Variants in MGAT5 observed in about 807,000 individuals in gnomAD.
MGAT5 encodes alpha-1,6-mannosylglycoprotein 6-beta-N-acetylglucosaminyltransferase, also known as alpha-1,6-mannosylglycoprotein 6-beta-N-acetylglucosaminyltransferase A.
In MGAT5, 30 loss-of-function variants were observed where a neutral mutation model predicts 94.3. That is an observed-to-expected ratio of 0.32 (90% CI 0.24 to 0.43). MGAT5 has a LOEUF of 0.43. MGAT5 is among the 20% of genes least tolerant of loss of function. The pLI is 1.00. For synonymous variants in MGAT5, 310 were observed against 322.9 expected (o/e 0.96, Z 0.43); for missense variants, 691 against 905.5 (o/e 0.76, Z 3.04).
At chr2:134,323,004 G>A (rs780828137) in intron 4 of MGAT5, among the ~76,000 whole-genome samples, 3 of 152,150 alleles carry the variant, frequency 2.0e-5, no homozygotes, top group Non-Finnish European at 2.9e-5. Context: ...GTCACTAGTG[G>A]AATTGGAGCA....
In MGAT5 at chr2:134,318,092, C is replaced by G. The variant is rs574498764; in HGVS notation, c.483+487C>G. Among the ~76,000 whole-genome samples the G allele has an allele frequency of 1.4e-4, 22 of 152,192 alleles. No homozygotes were observed. In the Middle Eastern group the frequency reaches 0.01, roughly 71 times the overall value. On this transcript the variant is annotated intron_variant, in intron 3 of 15. Transcript: ENST00000281923. ...CTTGGCTGCTTTTTTTTCCAGAAAT[C>G]CTATTTGTATGGCCTGCCCCTGGGG...
chr2:134,357,542 A>C (rs1679823790), intron 9 of MGAT5, among the ~76,000 whole-genome samples: 1 of 152,240 alleles, frequency 6.6e-6, no homozygotes, highest in East Asian at 1.9e-4. Context: ...TTTTATTTTT[A>C]GGACATGATA....
At chr2:134,399,744 T>G (rs1682928778) in intron 10 of MGAT5, among the ~76,000 whole-genome samples, 1 of 152,190 alleles carries the variant, frequency 6.6e-6, no homozygotes, top group South Asian at 2.1e-4. Context: ...AGAAGTGATC[T>G]CGATCCAGTT....
intron 1 of MGAT5, among the ~76,000 whole-genome samples, chr2:134,256,430 TTC>T (rs1326815712): frequency 6.6e-6 from 1 of 152,096 alleles, no homozygotes; most frequent in Non-Finnish European, 1.5e-5. Context: ...TTTCTCTTGT[TTC>T]TCTCAGTCTG....
chr2:134,280,472 G>C (rs1276495773), intron 2 of MGAT5, among the ~76,000 whole-genome samples: 1 of 152,238 alleles, frequency 6.6e-6, no homozygotes, highest in African/African-American at 2.4e-5. Context: ...ATTTTGATTT[G>C]CATTGTCAGA....
At chr2:134,354,518 A>C (rs1266493846) in intron 9 of MGAT5, among the ~76,000 whole-genome samples, 1 of 152,210 alleles carries the variant, frequency 6.6e-6, no homozygotes, top group East Asian at 1.9e-4. Context: ...TTCATGGTAC[A>C]CGTCTCACTT....
At chr2:134,151,837 C>CTCAA (rs1687204476) in intron 1 of MGAT5, among the ~76,000 whole-genome samples, 2 of 137,018 alleles carry the variant, frequency 1.5e-5, no homozygotes, top group African/African-American at 2.8e-5. Context: ...ACCTCACTCA[C>CTCAA]GCCCTATGGG....
At chr2:134,237,148 T>TGTGTGTGTGC (rs374914892) in intron 1 of MGAT5, among the ~76,000 whole-genome samples, 152 of 140,832 alleles carry the variant, frequency 1.1e-3, no homozygotes, top group African/African-American at 2.6e-3. Flanking sequence ...TGTGTGTGTG[T>TGTGTGTGTGC]GCGCGTGTGT....
chr2:134,311,354 A>G (rs937698143), intron 2 of MGAT5, among the ~76,000 whole-genome samples: 3 of 152,192 alleles, frequency 2.0e-5, no homozygotes, highest in African/African-American at 7.2e-5. Flanking sequence ...TAAAAAGTTA[A>G]TGGACCTGTG....
intron 1 of MGAT5, among the ~76,000 whole-genome samples, chr2:134,214,718 G>C (rs901853180): frequency 1.6e-4 from 25 of 152,088 alleles, no homozygotes; most frequent in Non-Finnish European, 2.9e-4. Flanking sequence ...TATAGGGTGG[G>C]GTGGGGAGGA....
At chr2:134,130,204 C>CCCACA (rs1553482760) in intron 1 of MGAT5, among the ~76,000 whole-genome samples, 1 of 60,398 alleles carries the variant, frequency 1.7e-5, no homozygotes, top group African/African-American at 6.4e-5. Flanking sequence ...TGGAGCCCGC[C>CCCACA]CCGCCCCACA....
At chr2:134,320,022 T>C in intron 4 of MGAT5, 1 of 199,462 alleles carries the variant, frequency 5.0e-6, no homozygotes. Context: ...ACAAGCAGCC[T>C]GCATAGGATC....
At chr2:134,409,173 G>T (rs1189923418) in intron 11 of MGAT5, among the ~76,000 whole-genome samples, 1 of 152,174 alleles carries the variant, frequency 6.6e-6, no homozygotes, top group Non-Finnish European at 1.5e-5. Flanking sequence ...ATTTGAACTT[G>T]AGTGACTGAT....
chr2:134,148,655 A>T (rs1687032325), intron 1 of MGAT5, among the ~76,000 whole-genome samples: 1 of 152,116 alleles, frequency 6.6e-6, no homozygotes, highest in African/African-American at 2.4e-5. Flanking sequence ...AGATTATACT[A>T]TACATGTTAT....
intron 12 of MGAT5, among the ~76,000 whole-genome samples, chr2:134,414,648 C>A (rs1453677547): frequency 6.6e-6 from 1 of 151,994 alleles, no homozygotes; most frequent in Non-Finnish European, 1.5e-5. Flanking sequence ...CCTTTTTTGG[C>A]AAATTTCAAG....
rs10628858 is a variant in MGAT5 at position 134,257,836 on chromosome 2, C to CTTTTTTTTT, written c.241+3203_241+3211dup. ...TGCATAGGCCATTAGTTTGCAGTCTCTTTTTTTTTTTTTTTTTTTGCCATA... is the reference window on the plus strand; with the variant it reads ...TGCATAGGCCATTAGTTTGCAGTCTCTTTTTTTTTTTTTTTTTTTTTTTTTTTTGCCATA... On this transcript the variant is annotated intron_variant, in intron 1 of 15. Coordinates refer to ENST00000281923, the MANE Select transcript of MGAT5 (RefSeq NM_002410.5). Among the ~76,000 whole-genome samples, 79 of 106,420 alleles carry CTTTTTTTTT rather than the reference C, an allele frequency of 7.4e-4. 2 individuals are homozygous for CTTTTTTTTT. The highest frequency in any genetic ancestry group is 7.4e-3 in the East Asian group (23 of 3,126). 69.8% of individuals were successfully genotyped at this position (106,420 alleles called of 152,430 possible).
chr2:134,381,065 T>A (rs1432759425), intron 10 of MGAT5, among the ~76,000 whole-genome samples: 1 of 152,062 alleles, frequency 6.6e-6, no homozygotes, highest in Non-Finnish European at 1.5e-5. Context: ...TCCGATGAAG[T>A]CCTTGCATAT....
At chr2:134,274,110 G>A (rs1684197150) in intron 2 of MGAT5, among the ~76,000 whole-genome samples, 1 of 152,204 alleles carries the variant, frequency 6.6e-6, no homozygotes, top group African/African-American at 2.4e-5. Context: ...TGGGGAAAAG[G>A]TAAAAAGTAT....
At position 134,400,428 on chromosome 2, in the gene MGAT5, A is replaced by C. The variant is rs181917096; in HGVS notation, c.1381-2560A>C. The stretch of plus-strand genomic sequence containing the variant: ...TTTCTGAAGGTAATCTCTAGTTTTG[A>C]TTTTACCATGCCTAAAAGTTAGTAA... On this transcript the variant is annotated intron_variant, in intron 10 of 15. Coordinates refer to ENST00000281923, the MANE Select transcript of MGAT5 (RefSeq NM_002410.5). Among the ~76,000 whole-genome samples, 476 of 152,130 alleles carry C rather than the reference A, an allele frequency of 3.1e-3. 2 individuals carry two copies. Among genetic ancestry groups the C allele is most frequent in the Non-Finnish European group, 5.5e-3 (373 of 67,986 alleles).
Sources: gnomAD v4.1 joint callset for allele counts (sites outside exome capture counted in the v4.1 genomes callset) on GRCh38, gnomAD v4.1.1 for gene constraint, MANE v1.5 for transcripts, NCBI Gene and HGNC (gene_info 2026-07-23, HGNC 2026-07-21) for gene names.